DCC: variants seen among roughly 807,000 people sequenced by gnomAD.
The protein encoded by DCC is DCC netrin 1 receptor.
In DCC, 58 loss-of-function variants were observed where a neutral mutation model predicts 172.5. The observed-to-expected ratio is 0.34, with a 90% confidence interval of 0.27 to 0.42. The LOEUF is 0.42. Among genes scored for constraint, DCC ranks in the 10% least tolerant of loss-of-function variants. The pLI is 1.00. For synonymous variants in DCC, 709 were observed against 644.5 expected (o/e 1.10, Z -1.52); for missense variants, 1,740 against 1,791.0 (o/e 0.97, Z 0.51).
chr18:53,271,371 A>G (rs2056746644), intron 12 of DCC, among the ~76,000 whole-genome samples: 2 of 152,190 alleles, frequency 1.3e-5, no homozygotes, highest in South Asian at 2.1e-4. Context: ...ACAAATATAC[A>G]TCATCTGCCA....
chr18:52,598,678 CA>C (rs2033956900), intron 1 of DCC, among the ~76,000 whole-genome samples: 1 of 152,120 alleles, frequency 6.6e-6, no homozygotes, highest in Non-Finnish European at 1.5e-5. Flanking sequence ...ATTTGGTAGT[CA>C]AATGAAAATT....
At chr18:53,099,008 C>CAAT (rs200996143) in intron 7 of DCC, among the ~76,000 whole-genome samples, 3 of 151,748 alleles carry the variant, frequency 2.0e-5, no homozygotes, top group East Asian at 1.9e-4. Flanking sequence ...GACCTCTTCT[C>CAAT]AATAATAATA....
intron 1 of DCC, among the ~76,000 whole-genome samples, chr18:52,364,202 G>A (rs1410262539): frequency 6.6e-6 from 1 of 152,080 alleles, no homozygotes. Flanking sequence ...ATGTCTTTAT[G>A]GCCTGAGAAA....
At chr18:53,461,584 AT>A (rs2045560226) in intron 24 of DCC, among the ~76,000 whole-genome samples, 1 of 152,208 alleles carries the variant, frequency 6.6e-6, no homozygotes, top group African/African-American at 2.4e-5. Flanking sequence ...CAAAGATCAC[AT>A]AGTTGTAGAT....
At chr18:53,087,194 T>C (rs555374457) in intron 7 of DCC, among the ~76,000 whole-genome samples, 81 of 152,246 alleles carry the variant, frequency 5.3e-4, no homozygotes, top group African/African-American at 1.9e-3. Context: ...TCCACCATGG[T>C]TGAACTAGTT....
chr18:53,008,290 A>T (rs2041675312), intron 5 of DCC, among the ~76,000 whole-genome samples: 2 of 152,024 alleles, frequency 1.3e-5, no homozygotes, highest in African/African-American at 2.4e-5. Context: ...CATTTTTACC[A>T]TTGATCACTA....
Position 53,187,064 on chromosome 18 carries a change from A to C in DCC, c.1573+7948A>C, listed in dbSNP as rs545392682. Among the ~76,000 whole-genome samples the C allele has an allele frequency of 3.3e-5, 5 of 152,246 alleles. No homozygotes were observed. The East Asian group carries it at 5.8e-4, about 18-fold the overall frequency. On this transcript the variant is annotated intron_variant, in intron 9 of 28. Transcript: ENST00000442544. ...CATTGGGGTTTAAATTTCAACATGAAATTTTGGAGGGGACACAAACATTCA... is the reference window on the plus strand; with the variant it reads ...CATTGGGGTTTAAATTTCAACATGACATTTTGGAGGGGACACAAACATTCA...
At chr18:53,050,206 C>T (rs1418956342) in intron 5 of DCC, among the ~76,000 whole-genome samples, 1 of 152,034 alleles carries the variant, frequency 6.6e-6, no homozygotes, top group Non-Finnish European at 1.5e-5. Context: ...TGCCCACCCC[C>T]ATTGTGGATG....
intron 21 of DCC, among the ~76,000 whole-genome samples, chr18:53,431,782 C>G (rs12960879): frequency 2.4e-4 from 36 of 152,028 alleles, no homozygotes; most frequent in Non-Finnish European, 3.4e-4. Context: ...CCGCACCTGG[C>G]CTTCATATAG....
At chr18:52,769,227 A>G (rs571630207) in intron 2 of DCC, among the ~76,000 whole-genome samples, 1 of 152,302 alleles carries the variant, frequency 6.6e-6, no homozygotes, top group East Asian at 1.9e-4. Flanking sequence ...GCTCCACATA[A>G]CCTTCATCAT....
intron 1 of DCC, among the ~76,000 whole-genome samples, chr18:52,487,810 C>CAAAAAAAAAAAAAAAAAA (rs5824940): frequency 1.3e-5 from 1 of 74,400 alleles, no homozygotes; most frequent in Admixed American, 2.2e-4. Flanking sequence ...GACTCCACCT[C>CAAAAAAAAAAAAAAAAAA]AAAAAAAAAA....
intron 25 of DCC, chr18:53,480,797 A>C (rs1229231618): frequency 6.6e-6 from 1 of 152,174 alleles, no homozygotes; most frequent in Non-Finnish European, 1.5e-5. Context: ...ACGTGTAGCT[A>C]TTATCATGTA....
chr18:53,078,327 T>C (rs2042750147), intron 7 of DCC, among the ~76,000 whole-genome samples: 1 of 152,154 alleles, frequency 6.6e-6, no homozygotes, highest in African/African-American at 2.4e-5. Flanking sequence ...AAATTTTACC[T>C]AGATATTGAT....
At chr18:52,738,345 C>T (rs1223362417) in intron 1 of DCC, among the ~76,000 whole-genome samples, 1 of 152,174 alleles carries the variant, frequency 6.6e-6, no homozygotes, top group Non-Finnish European at 1.5e-5. Flanking sequence ...CACACCTAAG[C>T]TGCATGGTGT....
intron 2 of DCC, among the ~76,000 whole-genome samples, chr18:52,761,504 C>T (rs1490053115): frequency 6.6e-6 from 1 of 152,044 alleles, no homozygotes; most frequent in African/African-American, 2.4e-5. Flanking sequence ...TGTTTTGGAC[C>T]TTGAATCATG....
At chr18:52,905,930 G>GAA in intron 2 of DCC, 114 bp from the exon 3 acceptor site, 2 of 822,040 alleles carry the variant, frequency 2.4e-6, no homozygotes, top group South Asian at 2.9e-5. Flanking sequence ...CGATATTTGA[G>GAA]AAAACAGCTT....
intron 7 of DCC, among the ~76,000 whole-genome samples, chr18:53,080,890 T>C (rs936900795): frequency 1.3e-5 from 2 of 152,012 alleles, no homozygotes; most frequent in South Asian, 2.1e-4. Context: ...AGTTCCTTGA[T>C]AGGGTATAAG....
intron 7 of DCC, among the ~76,000 whole-genome samples, chr18:53,079,495 G>C (rs966190072): frequency 1.3e-5 from 2 of 152,120 alleles, no homozygotes; most frequent in African/African-American, 4.8e-5. Context: ...TAATGATGTA[G>C]TTACTTTGCA....
rs537994383 is a variant in DCC at position 52,831,729 on chromosome 18, C to A, written c.413-74315C>A. ...ATCCATAGTTTTGCCTTGGACAAGA[C>A]AAGTTTCAACATTTAAGTGAAGATG... On this transcript the variant is annotated intron_variant, in intron 2 of 28. Transcript: ENST00000442544. Among the ~76,000 whole-genome samples the A allele has an allele frequency of 5.0e-4, 76 of 152,182 alleles. 1 individual carries two copies. In the South Asian group the frequency reaches 0.016, roughly 31 times the overall value.
Sources: allele counts gnomAD v4.1 joint callset (sites outside exome capture counted in the v4.1 genomes callset), GRCh38; gene constraint gnomAD v4.1.1; transcripts MANE v1.5; gene names NCBI Gene and HGNC (gene_info 2026-07-23, HGNC 2026-07-21).